ARMC3: variants seen among roughly 807,000 people sequenced by gnomAD.
The protein encoded by ARMC3 is armadillo repeat-containing protein 3.
A neutral mutation model predicts 90.3 loss-of-function variants in ARMC3; 74 were observed. That is an observed-to-expected ratio of 0.82 (90% confidence interval 0.68 to 0.99). The LOEUF is 0.99. Ranked by LOEUF, ARMC3 falls within the 50% of genes least tolerant of loss-of-function variation. ARMC3 has a pLI of 0.00. For missense variants in ARMC3, 958 were observed against 1,042.8 expected (o/e 0.92, Z 1.12); for synonymous variants, 334 against 361.8 (o/e 0.92, Z 0.87).
At chr10:23,018,409 C>T (rs987108742) in intron 16 of ARMC3, among the ~76,000 whole-genome samples, 4 of 152,106 alleles carry the variant, frequency 2.6e-5, no homozygotes, top group Admixed American at 2.0e-4. Context: ...TAGATGGTGC[C>T]TCTTGATCTG....
At chr10:23,007,940 CAAA>C in intron 14 of ARMC3, among the ~76,000 whole-genome samples, 1 of 152,046 alleles carries the variant, frequency 6.6e-6, no homozygotes, top group Admixed American at 6.5e-5. Context: ...CCCATCTATA[CAAA>C]AAATACAAAA....
At chr10:22,962,417 A>G (rs1187566128) in intron 7 of ARMC3, among the ~76,000 whole-genome samples, 1 of 152,204 alleles carries the variant, frequency 6.6e-6, no homozygotes, top group African/African-American at 2.4e-5. Flanking sequence ...ACCTTTTAAT[A>G]ATATTGGAGC....
chr10:22,964,079 A>T (rs1835343527), intron 7 of ARMC3, among the ~76,000 whole-genome samples: 1 of 152,152 alleles, frequency 6.6e-6, no homozygotes, highest in South Asian at 2.1e-4. Context: ...AGGTCAAAGG[A>T]TGAAAGTTCA....
chr10:22,939,549 G>C (rs1447540969), intron 2 of ARMC3, among the ~76,000 whole-genome samples: 1 of 152,050 alleles, frequency 6.6e-6, no homozygotes, highest in East Asian at 1.9e-4. Context: ...CTATAGAAAA[G>C]GTTTCTCTAG....
chr10:22,933,404 T>C (rs1354009424), intron 2 of ARMC3, among the ~76,000 whole-genome samples: 1 of 152,216 alleles, frequency 6.6e-6, no homozygotes, highest in East Asian at 1.9e-4. Flanking sequence ...ATATGGCTAA[T>C]ACACTTTCTA....
At chr10:22,968,205 T>G in intron 7 of ARMC3, 101 bp from the exon 8 acceptor site, 1 of 1,077,724 alleles carries the variant, frequency 9.3e-7, no homozygotes, top group Non-Finnish European at 1.4e-6. Flanking sequence ...ACAAAAATCA[T>G]GACATTGTGT....
At chr10:22,954,209 T>G (rs768311747) in intron 3 of ARMC3, among the ~76,000 whole-genome samples, 9 of 152,226 alleles carry the variant, frequency 5.9e-5, no homozygotes, top group Non-Finnish European at 1.3e-4. Context: ...TTTTAAAATT[T>G]GGTTGTTTTC....
chr10:22,975,920 A>C (rs1835901387), intron 8 of ARMC3, among the ~76,000 whole-genome samples: 1 of 152,092 alleles, frequency 6.6e-6, no homozygotes, highest in African/African-American at 2.4e-5. Flanking sequence ...TTGGTTTTTA[A>C]TGCTCATCAT....
intron 2 of ARMC3, among the ~76,000 whole-genome samples, chr10:22,934,313 C>T (rs973256468): frequency 6.6e-6 from 1 of 152,156 alleles, no homozygotes; most frequent in African/African-American, 2.4e-5. Context: ...TTTGTCATAA[C>T]ATTAATATAT....
At chr10:22,936,665 T>C (rs1228248489) in intron 2 of ARMC3, among the ~76,000 whole-genome samples, 1 of 152,216 alleles carries the variant, frequency 6.6e-6, no homozygotes, top group East Asian at 1.9e-4. Flanking sequence ...AGATGGGATA[T>C]GTAATGACAG....
intron 10 of ARMC3, among the ~76,000 whole-genome samples, chr10:22,985,073 T>TC (rs1491559896): frequency 2.7e-5 from 3 of 111,584 alleles, no homozygotes; most frequent in African/African-American, 1.1e-4. Context: ...TTTTTTTTTT[T>TC]TAGAGATGGG....
chr10:22,959,799 A>C (rs980235008), intron 6 of ARMC3: 8 of 612,966 alleles, frequency 1.3e-5, no homozygotes, highest in Non-Finnish European at 2.4e-5. Flanking sequence ...AGTATTTTGG[A>C]AATGTATTTG....
chr10:22,954,951 C>T (rs971242727), intron 3 of ARMC3, among the ~76,000 whole-genome samples: 3 of 152,130 alleles, frequency 2.0e-5, no homozygotes, highest in African/African-American at 7.2e-5. Flanking sequence ...AGTCTGCGTC[C>T]TAAGGCCAGA....
chr10:23,037,751 T>C lies in ARMC3; in HGVS notation c.*272T>C. The C allele has an allele frequency of 3.1e-6, 1 of 321,088 alleles. No individual in the cohort carries two copies. Among genetic ancestry groups the C allele is most frequent in the East Asian group, 5.4e-5 (1 of 18,370 alleles). The allele number at this position is 321,088 out of a possible 1,614,324, so 19.9% of individuals were successfully genotyped here. A position where few individuals can be genotyped will look rare whatever the true frequency, so the allele number is the denominator to read the frequency against. On this transcript the variant is annotated 3_prime_UTR_variant, in exon 19 of 19. Coordinates refer to ENST00000298032, the MANE Select transcript of ARMC3 (RefSeq NM_173081.5). ...TTGTCGAAATTCATCCAGCCCACTG[T>C]GTCCTGAGGAGCGTCTCTGTCATTT...
intron 16 of ARMC3, among the ~76,000 whole-genome samples, chr10:23,010,163 C>T (rs1837856176): frequency 6.7e-6 from 1 of 149,270 alleles, no homozygotes. Context: ...CCTCCCTCCC[C>T]TTCTCTTCCC....
intron 16 of ARMC3, among the ~76,000 whole-genome samples, chr10:23,010,649 T>TTCCTC (rs1170990224): frequency 8.1e-6 from 1 of 123,244 alleles, no homozygotes; most frequent in Non-Finnish European, 1.7e-5. Context: ...CTCCTTCCCT[T>TTCCTC]TCCTCTCCTC....
chr10:23,031,421 C>T (rs745664682), intron 17 of ARMC3, among the ~76,000 whole-genome samples: 2 of 152,172 alleles, frequency 1.3e-5, no homozygotes, highest in African/African-American at 4.8e-5. Flanking sequence ...GGACAGGCTT[C>T]GTGACTGACA....
intron 7 of ARMC3, among the ~76,000 whole-genome samples, chr10:22,964,745 G>A (rs923466860): frequency 1.2e-4 from 18 of 149,380 alleles, no homozygotes; most frequent in African/African-American, 3.8e-4. Flanking sequence ...CCGGCCCCCC[G>A]TAGTGTTTTT....
At chr10:22,983,983 C>T (rs554222720) in intron 10 of ARMC3, among the ~76,000 whole-genome samples, 21 of 152,118 alleles carry the variant, frequency 1.4e-4, no homozygotes, top group Non-Finnish European at 2.9e-4. Flanking sequence ...CAGGAAGCAT[C>T]GTGGCTTTGC....
Sources: gnomAD v4.1 joint callset for allele counts (sites outside exome capture counted in the v4.1 genomes callset) on GRCh38, gnomAD v4.1.1 for gene constraint, MANE v1.5 for transcripts, NCBI Gene and HGNC (gene_info 2026-07-23, HGNC 2026-07-21) for gene names.